Variants in ARHGAP29 observed in about 807,000 individuals in gnomAD.
ARHGAP29 encodes the protein Rho GTPase activating protein 29.
Under a neutral mutation model 122.6 loss-of-function variants are expected in ARHGAP29, and 43 were observed. The observed-to-expected ratio is 0.35, with a 90% CI of 0.27 to 0.45. The LOEUF is 0.45. Among genes scored for constraint, ARHGAP29 ranks in the 20% least tolerant of loss-of-function variants. The pLI is 1.00. For missense variants in ARHGAP29, 1,303 were observed against 1,477.2 expected, an observed-to-expected ratio of 0.88 and a Z score of 1.93; for synonymous variants, 506 against 497.1, an observed-to-expected ratio of 1.02 and a Z score of -0.24.
chr1:94,182,155 C>T (rs764684947), intron 19 of ARHGAP29, among the ~76,000 whole-genome samples: 3 of 150,844 alleles, frequency 2.0e-5, no homozygotes, highest in Non-Finnish European at 4.4e-5. Context: ...AGGAAGAAAG[C>T]TGCAAAAAGA....
At chr1:94,309,005 C>T in the ARHGAP29 span, among the ~76,000 whole-genome samples, 1 of 152,218 alleles carries the variant, frequency 6.6e-6, no homozygotes, top group African/African-American at 2.4e-5. Flanking sequence ...GGACTGCCTC[C>T]TTCCCCTCCT....
intron 12 of ARHGAP29, among the ~76,000 whole-genome samples, chr1:94,199,463 A>G (rs967093327): frequency 5.9e-5 from 9 of 152,214 alleles, no homozygotes; most frequent in African/African-American, 2.2e-4. Flanking sequence ...ATGCTGGCCA[A>G]TGAGAGACTG....
intron 12 of ARHGAP29, chr1:94,191,263 T>C (rs1219627384): frequency 6.6e-6 from 1 of 152,172 alleles, no homozygotes; most frequent in Non-Finnish European, 1.5e-5. Context: ...AATGACACTC[T>C]GGCTTCTTTG....
chr1:94,239,591 GAAGA>G (rs1438940260), upstream of ARHGAP29, among the ~76,000 whole-genome samples: 1 of 151,816 alleles, frequency 6.6e-6, no homozygotes, highest in Admixed American at 6.6e-5. Flanking sequence ...AAGAGGGAAA[GAAGA>G]AAGAAATATG....
chr1:94,258,411 G>T (rs577588473), intron 1 of ARHGAP29, among the ~76,000 whole-genome samples: 3 of 152,182 alleles, frequency 2.0e-5, no homozygotes, highest in Non-Finnish European at 4.4e-5. Flanking sequence ...AAATTGTCCA[G>T]GCCAAATAAA....
chr1:94,260,903 A>G lies in ARHGAP29; in HGVS notation c.-33+14109T>C, dbSNP rs571485191. On this transcript the variant is annotated intron_variant and NMD_transcript_variant, in intron 1 of 25. Transcript: ENST00000552844. ...TAAAGCAGCTTCTATCTTATAAATTATGTTCTGGTCTCTGTGAGGCATAGC... is the reference window on the plus strand; with the variant it reads ...TAAAGCAGCTTCTATCTTATAAATTGTGTTCTGGTCTCTGTGAGGCATAGC... 4.6e-4 allele frequency among the ~76,000 whole-genome samples: 70 copies of G among 152,234 alleles called. 1 individual carries two copies. The highest frequency in any genetic ancestry group is 1.0e-3 in the African/African-American group (42 of 41,532).
At chr1:94,281,369 C>T in the ARHGAP29 span, among the ~76,000 whole-genome samples, 3 of 152,140 alleles carry the variant, frequency 2.0e-5, no homozygotes, top group South Asian at 6.2e-4. Context: ...GAATTAAGGC[C>T]CTTGTGCTAT....
intron 2 of ARHGAP29, among the ~76,000 whole-genome samples, chr1:94,226,756 C>T (rs1294899730): frequency 6.6e-6 from 1 of 151,404 alleles, no homozygotes; most frequent in Non-Finnish European, 1.5e-5. Context: ...CTCAAAGATT[C>T]ATTTCATAAC....
At chr1:94,193,464 C>T (rs1650253091) in intron 12 of ARHGAP29, 1 of 150,616 alleles carries the variant, frequency 6.6e-6, no homozygotes, top group African/African-American at 2.4e-5. Flanking sequence ...CAATCCAAAA[C>T]AGGAAAAACA....
chr1:94,238,949 T>C (rs186438571), upstream of ARHGAP29, among the ~76,000 whole-genome samples: 218 of 152,212 alleles, frequency 1.4e-3, no homozygotes, highest in African/African-American at 5.0e-3. Flanking sequence ...GCTCCTCAGG[T>C]GCTACTTAGA....
chr1:94,287,697 T>A, the ARHGAP29 span, among the ~76,000 whole-genome samples: 1 of 151,802 alleles, frequency 6.6e-6, no homozygotes, highest in Non-Finnish European at 1.5e-5. Context: ...TTCCCCACCC[T>A]GTGTCCATGT....
chr1:94,286,293 T>A, the ARHGAP29 span, among the ~76,000 whole-genome samples: 1 of 152,166 alleles, frequency 6.6e-6, no homozygotes, highest in African/African-American at 2.4e-5. Flanking sequence ...TACAGTCACA[T>A]TAGGGGTTTA....
chr1:94,291,199 T>C, the ARHGAP29 span, among the ~76,000 whole-genome samples: 18 of 152,338 alleles, frequency 1.2e-4, no homozygotes, highest in African/African-American at 4.3e-4. Flanking sequence ...TTGTGATCTT[T>C]GTTGGTTTAA....
intron 8 of ARHGAP29, 120 bp downstream of exon 8, chr1:94,203,810 T>C: frequency 1.3e-6 from 1 of 774,350 alleles, no homozygotes; most frequent in Non-Finnish European, 2.1e-6. Context: ...ATTTTGTCAA[T>C]AAAAAGATCA....
the ARHGAP29 span, among the ~76,000 whole-genome samples, chr1:94,282,921 A>C: frequency 6.6e-6 from 1 of 152,156 alleles, no homozygotes; most frequent in African/African-American, 2.4e-5. Context: ...AGTTCAAATT[A>C]GTGTTTCTCC....
chr1:94,202,714 G>C lies in ARHGAP29; in HGVS notation c.973C>G (p.Leu325Val). ...QNKMLEAENA[L>V]KKAKLLCMQR... ...ATGCATAATAATTTTGCCTTTTTGA[G>C]AGCATTCTCTGCTTCAAGCTACACC... Residue 325 changes from leucine (L) to valine (V), a missense_variant, in exon 11 of 23, where the codon CTC becomes GTC. Transcript: ENST00000260526. The C allele has an allele frequency of 6.2e-7, 1 of 1,613,466 alleles. No homozygotes were observed. Among genetic ancestry groups the C allele is most frequent in the Non-Finnish European group, 8.5e-7 (1 of 1,179,970 alleles).
intron 2 of ARHGAP29, among the ~76,000 whole-genome samples, chr1:94,227,858 T>TA (rs1430715787): frequency 6.6e-6 from 1 of 151,846 alleles, no homozygotes; most frequent in Non-Finnish European, 1.5e-5. Context: ...AACATGCATA[T>TA]GCATAACTGA....
chr1:94,305,342 G>T, the ARHGAP29 span, among the ~76,000 whole-genome samples: 1 of 152,174 alleles, frequency 6.6e-6, no homozygotes, highest in Non-Finnish European at 1.5e-5. Flanking sequence ...GTCAGTTTCT[G>T]TTCTTTAAAT....
intron 3 of ARHGAP29, among the ~76,000 whole-genome samples, chr1:94,217,162 T>C (rs1415611156): frequency 1.3e-5 from 2 of 152,142 alleles, no homozygotes; most frequent in African/African-American, 2.4e-5. Context: ...TTTGAAAAAA[T>C]GCATTTCATA....
Sources: gnomAD v4.1 joint callset for allele counts (sites outside exome capture counted in the v4.1 genomes callset) on GRCh38, gnomAD v4.1.1 for gene constraint, MANE v1.5 for transcripts, NCBI Gene and HGNC (gene_info 2026-07-23, HGNC 2026-07-21) for gene names.